The following TBCK variants were observed in gnomAD, a reference collection of about 807,000 sequenced individuals.
The protein encoded by TBCK is TBC domain-containing protein kinase-like protein.
TBCK carries 99 observed loss-of-function variants against 113.4 expected under a neutral mutation model. That is an observed-to-expected ratio of 0.87 (90% confidence interval 0.74 to 1.03). TBCK has a LOEUF of 1.03. TBCK is among the 50% of genes least tolerant of loss of function. The pLI, the probability that TBCK is intolerant of heterozygous loss-of-function variation, is 0.00. For synonymous variants in TBCK, 369 were observed against 370.8 expected, an observed-to-expected ratio of 1.00 and a Z score of 0.05; for missense variants, 1,045 against 1,061.3, an observed-to-expected ratio of 0.98 and a Z score of 0.21.
chr4:106,128,326 T>C (rs1161709092), intron 23 of TBCK, among the ~76,000 whole-genome samples: 1 of 152,218 alleles, frequency 6.6e-6, no homozygotes, highest in Non-Finnish European at 1.5e-5. Flanking sequence ...AGCTATTCTT[T>C]ATCTTAAACA....
intron 23 of TBCK, among the ~76,000 whole-genome samples, chr4:106,129,434 T>A (rs1486606987): frequency 6.6e-6 from 1 of 152,180 alleles, no homozygotes; most frequent in Admixed American, 6.5e-5. Context: ...GATAATGGCT[T>A]ACAGCTAGAT....
chr4:106,299,916 CT>C lies in TBCK; in HGVS notation c.194-4751del, dbSNP rs1766741165. ...AGGAAGCAAAAGTATGATGTAGCGTCTCTAGCCTGAACTGTGTGTTTTAGGT... is the reference window on the plus strand; with the variant it reads ...AGGAAGCAAAAGTATGATGTAGCGTCCTAGCCTGAACTGTGTGTTTTAGGT... On this transcript the variant is annotated intron_variant, in intron 2 of 25. Coordinates refer to ENST00000394708, the MANE Select transcript of TBCK (RefSeq NM_001163435.3). Among the ~76,000 whole-genome samples the C allele has an allele frequency of 2.0e-5, 3 of 152,310 alleles. No individual in the cohort carries two copies. In the South Asian group the frequency reaches 6.2e-4, roughly 32 times the overall value.
At chr4:106,122,994 C>T (rs955706701) in intron 23 of TBCK, among the ~76,000 whole-genome samples, 4 of 152,212 alleles carry the variant, frequency 2.6e-5, no homozygotes, top group Non-Finnish European at 4.4e-5. Flanking sequence ...CTCACCACTC[C>T]TATTCAACAT....
chr4:106,161,991 T>C (rs1018026252), intron 23 of TBCK, among the ~76,000 whole-genome samples: 2 of 152,068 alleles, frequency 1.3e-5, no homozygotes, highest in African/African-American at 4.8e-5. Context: ...CAGGGTTAAC[T>C]CAAAAGTCCA....
intron 23 of TBCK, among the ~76,000 whole-genome samples, chr4:106,138,404 A>G (rs1274114443): frequency 7.1e-6 from 1 of 141,798 alleles, no homozygotes; most frequent in Non-Finnish European, 1.6e-5. Flanking sequence ...AAACCAATAC[A>G]TAATACTTAA....
intron 3 of TBCK, among the ~76,000 whole-genome samples, chr4:106,271,766 A>C (rs1164167635): frequency 1.3e-5 from 2 of 151,124 alleles, no homozygotes; most frequent in Non-Finnish European, 3.0e-5. Context: ...AAAAAAAAAA[A>C]CAAAACAAAA....
In TBCK at chr4:106,180,742, T is replaced by C. The variant is rs1250467962; in HGVS notation, c.2060-9472A>G. Among the ~76,000 whole-genome samples the C allele has an allele frequency of 2.6e-5, 4 of 152,206 alleles. No homozygotes were observed. In the South Asian group the frequency reaches 6.2e-4, roughly 24 times the overall value. On this transcript the variant is annotated intron_variant, in intron 22 of 25. Coordinates refer to ENST00000394708, the MANE Select transcript of TBCK (RefSeq NM_001163435.3). ...TTTTTTATGGCTGCATAGTATTCCA[T>C]GGTATATATGTGCCACAATTTCTTA...
At chr4:106,212,699 T>G in intron 20 of TBCK, 51 bp downstream of exon 20, 2 of 1,352,756 alleles carry the variant, frequency 1.5e-6, no homozygotes, top group Non-Finnish European at 2.1e-6. Context: ...TGCTAATAAT[T>G]TCTGCTTTTT....
intron 25 of TBCK, among the ~76,000 whole-genome samples, chr4:106,062,463 G>C (rs1376207426): frequency 2.6e-5 from 4 of 151,876 alleles, no homozygotes; most frequent in Non-Finnish European, 5.9e-5. Context: ...CTAGACAACT[G>C]AGACTAGTAA....
intron 23 of TBCK, among the ~76,000 whole-genome samples, chr4:106,169,892 C>T (rs115670575): frequency 1.4e-3 from 207 of 152,158 alleles, no homozygotes; most frequent in African/African-American, 4.8e-3. Context: ...CTCACATGCG[C>T]AGTTCACAAG....
rs906402567 is a variant in TBCK, at chr4:106,046,316, G to C, written c.*254C>G. On this transcript the variant is annotated 3_prime_UTR_variant, in exon 26 of 26. Transcript: ENST00000394708. ...GTCAGCTGAATTTCTTGGGCTTTAT[G>C]TGGCAGTGTGGTAAAAATATATGAT... is the stretch of plus-strand genomic sequence containing the variant. The C allele has an allele frequency of 6.2e-6, 2 of 323,926 alleles. No homozygotes were observed. The highest frequency in any genetic ancestry group is 4.4e-5 in the African/African-American group (2 of 45,828). 20.1% of individuals were successfully genotyped at this position (323,926 alleles called of 1,614,324 possible).
Position 106,308,645 on chromosome 4 carries a change from G to A in TBCK, c.193+123C>T, listed in dbSNP as rs1299511708. 8 of 860,614 alleles carry A rather than the reference G, an allele frequency of 9.3e-6. No homozygotes were observed. In the East Asian group the frequency reaches 2.2e-4, roughly 23 times the overall value. 53.3% of individuals were successfully genotyped at this position (860,614 alleles called of 1,614,324 possible). The stretch of plus-strand genomic sequence containing the variant: ...GAGGCAGGGTGGGGGAAAAGGATGA[G>A]AGAAAGAAGGACATGTGTGCACTGG... On this transcript the variant is annotated intron_variant, in intron 2 of 25. Transcript: ENST00000394708.
chr4:106,284,339 T>C (rs927615241), intron 3 of TBCK, among the ~76,000 whole-genome samples: 1 of 152,150 alleles, frequency 6.6e-6, no homozygotes, highest in South Asian at 2.1e-4. Flanking sequence ...CCAGAATGTG[T>C]CCAAATTCTT....
intron 23 of TBCK, among the ~76,000 whole-genome samples, chr4:106,122,080 C>A (rs1744469294): frequency 6.6e-6 from 1 of 152,190 alleles, no homozygotes; most frequent in Admixed American, 6.5e-5. Flanking sequence ...ATTACTGAAT[C>A]CAGGAGCTGG....
At chr4:106,271,501 C>T (rs945299047) in intron 3 of TBCK, among the ~76,000 whole-genome samples, 2 of 152,066 alleles carry the variant, frequency 1.3e-5, no homozygotes, top group Non-Finnish European at 2.9e-5. Context: ...CCTGTAATCC[C>T]AGCACTTTGG....
intron 3 of TBCK, among the ~76,000 whole-genome samples, chr4:106,274,212 T>C (rs1227110068): frequency 6.6e-6 from 1 of 152,160 alleles, no homozygotes; most frequent in Non-Finnish European, 1.5e-5. Context: ...CAAATGTTGG[T>C]AAGGATGTGA....
At chr4:106,117,706 A>G (rs1052081456) in intron 23 of TBCK, among the ~76,000 whole-genome samples, 2 of 152,164 alleles carry the variant, frequency 1.3e-5, no homozygotes, top group African/African-American at 2.4e-5. Context: ...ATGTGACATG[A>G]CTTGAGAATT....
chr4:106,187,788 C>G (rs1382924073), intron 22 of TBCK, among the ~76,000 whole-genome samples: 4 of 152,118 alleles, frequency 2.6e-5, no homozygotes, highest in Admixed American at 2.6e-4. Flanking sequence ...TAGATGTACT[C>G]TTAAGTAATG....
At chr4:106,084,335 T>C (rs536096260) in intron 25 of TBCK, among the ~76,000 whole-genome samples, 6 of 152,204 alleles carry the variant, frequency 3.9e-5, no homozygotes, top group African/African-American at 9.6e-5. Flanking sequence ...AGAAAGGATA[T>C]TGGAGTTTGA....
Sources: allele counts gnomAD v4.1 joint callset (sites outside exome capture counted in the v4.1 genomes callset), GRCh38; gene constraint gnomAD v4.1.1; transcripts MANE v1.5; gene names NCBI Gene and HGNC (gene_info 2026-07-23, HGNC 2026-07-21).